The following RAB41 variants were observed in gnomAD, a reference collection of about 807,000 sequenced individuals.
RAB41 encodes the protein RAB41, member RAS oncogene family.
In RAB41, 15 loss-of-function variants were observed where a neutral mutation model predicts 19.0. The ratio of observed to expected loss-of-function variants is 0.79; its 90% CI spans 0.53 to 1.21. The LOEUF (loss-of-function observed/expected upper bound fraction) is 1.21, where lower values mean the gene tolerates loss of function less well. RAB41 is among the 50% of genes most tolerant of loss of function. The pLI, the probability that RAB41 is intolerant of heterozygous loss-of-function variation, is 0.00. For missense variants in RAB41, 177 were observed against 179.7 expected, an observed-to-expected ratio of 0.99 and a Z score of 0.09; for synonymous variants, 73 against 64.7, an observed-to-expected ratio of 1.13 and a Z score of -0.62.
At chrX:70,283,891 AG>A (rs2085703344) in intron 5 of RAB41, 58 bp from the exon 6 acceptor site, 2 of 847,770 alleles carry the variant, frequency 2.4e-6, no homozygotes, top group East Asian at 6.5e-5. Flanking sequence ...ATTACACCTC[AG>A]AAGAGTCTAT....
At position 70,284,043 on chromosome X, in the gene RAB41, G is replaced by T; in HGVS notation, c.549G>T (p.Lys183Asn). ...CCAAAACCGGTTACAACGTGAAAAA[G>T]GTAATACTTGTTTCTTTCTATGATA... ...TSAKTGYNVK[K>N]LFRRVASALL... The change falls in exon 6 of 8, where the codon AAG becomes AAT. Residue 183 changes from lysine to asparagine, a missense_variant and splice_region_variant. Transcript: ENST00000374473. 8.7e-7 allele frequency: 1 copy of T among 1,148,945 alleles called. No homozygotes were observed. The highest frequency in any genetic ancestry group is 1.2e-6 in the Non-Finnish European group (1 of 838,935). 94.7% of individuals were successfully genotyped at this position (1,148,945 alleles called of 1,213,427 possible). A position where few individuals can be genotyped will look rare whatever the true frequency, so the allele number is the denominator to read the frequency against.
In RAB41 at chrX:70,282,216, C is replaced by T. The variant is rs758600850; in HGVS notation, c.-2C>T. 1.2e-5 allele frequency: 14 copies of T among 1,210,492 alleles called. No homozygotes were observed. Among genetic ancestry groups the T allele is most frequent in the Middle Eastern group, 2.3e-4 (1 of 4,322 alleles). Reference sequence around the variant, plus strand: ...CATTTTGGCTGCAACCTACCTGAAGCGATGTCTGCCTTTGGTCACGACGAG... The same window carrying T: ...CATTTTGGCTGCAACCTACCTGAAGTGATGTCTGCCTTTGGTCACGACGAG... On this transcript the variant is annotated 5_prime_UTR_variant, in exon 1 of 8. Coordinates refer to ENST00000374473, the MANE Select transcript of RAB41 (RefSeq NM_001363807.1).
intron 5 of RAB41, 101 bp from the exon 6 acceptor site, chrX:70,283,849 G>T: frequency 1.6e-6 from 1 of 610,238 alleles, no homozygotes; most frequent in South Asian, 2.6e-5. Flanking sequence ...TGGGTTTAAG[G>T]CTTCTAGGGT....
rs748823170 is a variant in RAB41 at position 70,284,250 on chromosome X, T to TCA, written c.550-3_550-2dup. 393 of 1,045,994 alleles carry TCA rather than the reference T, an allele frequency of 3.8e-4. No homozygotes were observed. The highest frequency in any genetic ancestry group is 3.0e-3 in the South Asian group (136 of 45,685). The allele number at this position is 1,045,994 out of a possible 1,213,427, so 86.2% of individuals were successfully genotyped here. On this transcript the variant is annotated splice_polypyrimidine_tract_variant and intron_variant, in intron 6 of 7. Coordinates refer to ENST00000374473, the MANE Select transcript of RAB41 (RefSeq NM_001363807.1). ...CCCTTTTTTTTTTTTTGGTCCCCAT[T>TCA]CACACACACACACAGCTGTTCCGGC...
Position 70,284,767 on chromosome X carries a change from G to A in RAB41, c.*124G>A. On this transcript the variant is annotated 3_prime_UTR_variant, in exon 8 of 8. Coordinates refer to ENST00000374473, the MANE Select transcript of RAB41 (RefSeq NM_001363807.1). ...ACTCTCTTCCAATTCCTAGGCTTGG[G>A]GTAAAAACAGAACCCCTGAAAGTGC... 1 of 557,136 alleles carries A rather than the reference G, an allele frequency of 1.8e-6. No individual in the cohort carries two copies. Among genetic ancestry groups the A allele is most frequent in the South Asian group, 2.8e-5 (1 of 35,996 alleles). The allele number at this position is 557,136 out of a possible 1,213,427, so 45.9% of individuals were successfully genotyped here.
At chrX:70,282,371 T>G (rs2085692094) in intron 1 of RAB41, 30 bp downstream of exon 1, 1 of 1,203,415 alleles carries the variant, frequency 8.3e-7, no homozygotes, top group African/African-American at 1.8e-5. Flanking sequence ...TTTGGGGACA[T>G]GGAGGTGTAA....
chrX:70,282,969 A>G (rs1189308586), intron 3 of RAB41, 114 bp downstream of exon 3: 2 of 620,256 alleles, frequency 3.2e-6, no homozygotes, highest in Admixed American at 2.6e-5. Context: ...ACCAAGCCCT[A>G]TGATGTTTCT....
At chrX:70,282,640 C>T (rs371907512) in intron 2 of RAB41, 49 bp downstream of exon 2, 17 of 1,129,954 alleles carry the variant, frequency 1.5e-5, no homozygotes, top group East Asian at 9.0e-5. Context: ...CTCTTCTTGG[C>T]GGACTCACCT....
chrX:70,282,817 G>A lies in RAB41; in HGVS notation c.199G>A (p.Asp67Asn). The A allele has an allele frequency of 8.3e-7, 1 of 1,210,589 alleles. No individual in the cohort carries two copies. Among genetic ancestry groups the A allele is most frequent in the Non-Finnish European group, 1.1e-6 (1 of 894,346 alleles). The change falls in exon 3 of 8, where the codon GAC (aspartate) becomes AAC (asparagine). Residue 67 changes from aspartate to asparagine, a missense_variant. By Grantham distance (23) the Asp-to-Asn change is conservative (BLOSUM62 1). Coordinates refer to ENST00000374473, the MANE Select transcript of RAB41 (RefSeq NM_001363807.1). ...GCACQATVGI[D>N]FLSKTMYLED... ...TCTTTTGCAGGCAACTGTTGGAATT[G>A]ACTTCTTGTCTAAGACCATGTACTT...
In RAB41 at chrX:70,284,636, A is replaced by G; in HGVS notation, c.662A>G (p.Tyr221Cys). 1 of 1,204,323 alleles carries G rather than the reference A, an allele frequency of 8.3e-7. No homozygotes were observed. The highest frequency in any genetic ancestry group is 1.1e-6 in the Non-Finnish European group (1 of 888,809). ...ESFEESGNRS[Y>C]C Reference sequence around the variant, plus strand: ...TTCGAGGAGTCAGGCAACAGAAGCTATTGTTGACAGCTTAGGCTTTCTCTG... The same window carrying G: ...TTCGAGGAGTCAGGCAACAGAAGCTGTTGTTGACAGCTTAGGCTTTCTCTG... The change falls in exon 8 of 8, where the codon TAT (tyrosine) becomes TGT (cysteine). Residue 221 changes from tyrosine (Y) to cysteine (C), a missense_variant. Coordinates refer to ENST00000374473, the MANE Select transcript of RAB41 (RefSeq NM_001363807.1).
intron 1 of RAB41, 67 bp from the exon 2 acceptor site, chrX:70,282,466 C>T: frequency 3.4e-6 from 4 of 1,163,066 alleles, no homozygotes; most frequent in Non-Finnish European, 3.5e-6. Context: ...GGAGGGAGGG[C>T]TCATAGAAAC....
chrX:70,282,688 TG>T (rs112617895), intron 2 of RAB41, 97 bp downstream of exon 2: 5 of 1,092,177 alleles, frequency 4.6e-6, no homozygotes, highest in African/African-American at 3.6e-5. Flanking sequence ...TTGTAAGCAT[TG>T]GGAAGTGGAG....
Position 70,283,616 on chromosome X carries a change from T to C in RAB41, c.447T>C (p.Asp149=). The part of the protein sequence containing the change: ...IMLLGNKIDL[D]NKRQVTAEQG... ...TGTTGGGTAACAAGATTGATTTGGATAACAAAAGGTAAAGTATAACTACAA... is the reference window on the plus strand; with the variant it reads ...TGTTGGGTAACAAGATTGATTTGGACAACAAAAGGTAAAGTATAACTACAA... The change falls in exon 5 of 8, where the codon GAT becomes GAC. Residue 149 remains aspartate, a synonymous_variant. Coordinates refer to ENST00000374473, the MANE Select transcript of RAB41 (RefSeq NM_001363807.1). 1 of 1,168,682 alleles carries C rather than the reference T, an allele frequency of 8.6e-7. No individual in the cohort carries two copies. Among genetic ancestry groups the C allele is most frequent in the South Asian group, 1.8e-5 (1 of 55,978 alleles).
intron 1 of RAB41, 58 bp from the exon 2 acceptor site, chrX:70,282,475 A>T: frequency 8.5e-7 from 1 of 1,173,738 alleles, no homozygotes; most frequent in Admixed American, 2.2e-5. Context: ...GCTCATAGAA[A>T]CTTTGAGGGG....
chrX:70,282,440 G>C (rs148602544), intron 1 of RAB41, 93 bp from the exon 2 acceptor site: 1 of 1,168,335 alleles, frequency 8.6e-7, no homozygotes, highest in African/African-American at 1.8e-5. Context: ...CGTTGGGAAA[G>C]ATTGGAGTTG....
chrX:70,282,665 T>C lies in RAB41; in HGVS notation c.183+74T>C, dbSNP rs2085694960. The C allele has an allele frequency of 1.7e-5, 19 of 1,103,825 alleles. No homozygotes were observed. In the South Asian group the frequency reaches 3.3e-4, roughly 19 times the overall value. The allele number at this position is 1,103,825 out of a possible 1,213,427, so 91.0% of individuals were successfully genotyped here. On this transcript the variant is annotated intron_variant, in intron 2 of 7. Transcript: ENST00000374473. ...CGGACTCACCTGGAGATTCTCCTCC[T>C]CAAAGTTATGTATTGTAAGCATTGG...
chrX:70,284,092 C>A, intron 6 of RAB41, 49 bp downstream of exon 6: 1 of 984,739 alleles, frequency 1.0e-6, no homozygotes, highest in Non-Finnish European at 1.4e-6. Context: ...CTGTCTGTAG[C>A]TACTACTACT....
chrX:70,283,170 G>A, intron 3 of RAB41, 98 bp from the exon 4 acceptor site: 1 of 718,331 alleles, frequency 1.4e-6, no homozygotes, highest in Non-Finnish European at 2.1e-6. Flanking sequence ...CAGTCTACCT[G>A]ACCTTTTGTA....
At position 70,284,305 on chromosome X, in the gene RAB41, A is replaced by C. The variant is rs758837104; in HGVS notation, c.589A>C (p.Thr197Pro). 12 of 1,204,624 alleles carry C rather than the reference A, an allele frequency of 1.0e-5. No homozygotes were observed. Among genetic ancestry groups the C allele is most frequent in the Non-Finnish European group, 1.1e-5 (10 of 893,836 alleles). Residue 197 changes from threonine (T) to proline (P), a missense_variant, in exon 7 of 8, where the codon ACT becomes CCT. Thr to Pro is a conservative substitution (Grantham distance 38). Transcript: ENST00000374473. The part of the protein sequence containing the change: ...RVASALLSTR[T>P]SPPPKEGTVE... ...GGCTTCTGCCCTTCTTTCCACAAGG[A>C]CTTCACCTCCACCAAAAGAGGGGAG... is the stretch of plus-strand genomic sequence containing the variant.
Sources: allele counts gnomAD v4.1 joint callset, GRCh38; gene constraint gnomAD v4.1.1; transcripts MANE v1.5; gene names NCBI Gene and HGNC (gene_info 2026-07-23, HGNC 2026-07-21).